The following TRPM3 variants were observed in gnomAD, a reference collection of about 807,000 sequenced individuals.
TRPM3 encodes the protein long transient receptor potential channel 3.
Under a neutral mutation model 181.2 loss-of-function variants are expected in TRPM3, and 77 were observed. The ratio of observed to expected loss-of-function variants is 0.42; its 90% CI spans 0.35 to 0.51. TRPM3 has a LOEUF of 0.51. Ranked by LOEUF, TRPM3 falls within the 20% of genes least tolerant of loss-of-function variation. The probability of loss-of-function intolerance (pLI) is 0.01; values close to 1 mark genes in which losing one functional copy is unlikely to be tolerated. For missense variants in TRPM3, 1,759 were observed against 2,196.7 expected (o/e 0.80, Z 3.98); for synonymous variants, 745 against 796.4 (o/e 0.94, Z 1.09).
intron 1 of TRPM3, among the ~76,000 whole-genome samples, chr9:71,182,118 C>T (rs1443442596): frequency 6.6e-6 from 1 of 152,140 alleles, no homozygotes; most frequent in East Asian, 1.9e-4. Context: ...AAGATGAACA[C>T]AAGCATACAA....
At chr9:71,290,939 T>TTAGAAATGAAGACAGATATA in intron 1 of TRPM3, among the ~76,000 whole-genome samples, 1 of 151,982 alleles carries the variant, frequency 6.6e-6, no homozygotes, top group Middle Eastern at 3.4e-3. Context: ...AAGCAATATA[T>TTAGAAATGAAGACAGATATA]TAGAAATGAA....
chr9:70,852,350 A>T (rs2095263995), intron 3 of TRPM3, among the ~76,000 whole-genome samples: 1 of 152,012 alleles, frequency 6.6e-6, no homozygotes, highest in Non-Finnish European at 1.5e-5. Context: ...CATGTTCTCA[A>T]GTTCACTATG....
intron 1 of TRPM3, among the ~76,000 whole-genome samples, chr9:70,952,450 C>T (rs1174110173): frequency 6.6e-6 from 1 of 152,128 alleles, no homozygotes; most frequent in Non-Finnish European, 1.5e-5. Context: ...AGAGAATGCA[C>T]AATTACGTAG....
At chr9:70,981,063 T>G (rs1312794114) in intron 1 of TRPM3, among the ~76,000 whole-genome samples, 1 of 152,202 alleles carries the variant, frequency 6.6e-6, no homozygotes, top group Non-Finnish European at 1.5e-5. Context: ...ATTAAAGTGA[T>G]TGATTTTTAA....
chr9:71,195,465 T>C (rs556398667), intron 1 of TRPM3, among the ~76,000 whole-genome samples: 8 of 151,970 alleles, frequency 5.3e-5, no homozygotes, highest in Non-Finnish European at 1.2e-4. Flanking sequence ...AAATAACAGG[T>C]GCCAGTGAGG....
intron 1 of TRPM3, among the ~76,000 whole-genome samples, chr9:70,957,656 A>G (rs988042987): frequency 6.6e-6 from 1 of 152,202 alleles, no homozygotes; most frequent in Non-Finnish European, 1.5e-5. Context: ...CAAAAGTCTC[A>G]TAATTCAAGT....
At chr9:70,646,553 C>T (rs115541042) in intron 9 of TRPM3, among the ~76,000 whole-genome samples, 20 of 151,954 alleles carry the variant, frequency 1.3e-4, no homozygotes, top group South Asian at 4.2e-4. Context: ...AAACATCACA[C>T]GCCAGGGCCT....
chr9:70,597,314 T>C (rs1485158789), intron 21 of TRPM3, among the ~76,000 whole-genome samples: 1 of 151,774 alleles, frequency 6.6e-6, no homozygotes, highest in African/African-American at 2.4e-5. Flanking sequence ...TCAAGTAATC[T>C]GCCTGCCTCA....
At chr9:71,420,701 G>GAA (rs1565556742) in intron 1 of TRPM3, among the ~76,000 whole-genome samples, 18 of 11,874 alleles carry the variant, frequency 1.5e-3, no homozygotes, top group Admixed American at 5.4e-3. Context: ...GAAAGAGAAA[G>GAA]AGAGAGAAAG....
At chr9:70,761,412 A>T in intron 8 of TRPM3, 189 bp downstream of exon 8, 3 of 754,406 alleles carry the variant, frequency 4.0e-6, no homozygotes. Flanking sequence ...ACACCTTATT[A>T]ACTCGAAGGC....
Position 70,535,836 on chromosome 9 carries a change from C to T in TRPM3, c.*117G>A, listed in dbSNP as rs1185456718. On this transcript the variant is annotated 3_prime_UTR_variant, in exon 26 of 26. Coordinates refer to ENST00000677713, the MANE Select transcript of TRPM3 (RefSeq NM_001366145.2). ...TGAGTTAACACCTCCCAAAGCATTG[C>T]TTGTTTTGCTCAGCTAAGAATAAAG... The T allele has an allele frequency of 6.6e-7, 1 of 1,506,568 alleles. No individual in the cohort carries two copies. Among genetic ancestry groups the T allele is most frequent in the East Asian group, 2.3e-5 (1 of 43,980 alleles). 93.3% of individuals were successfully genotyped at this position (1,506,568 alleles called of 1,614,324 possible).
chr9:71,182,378 C>T (rs114685387), intron 1 of TRPM3, among the ~76,000 whole-genome samples: 69 of 152,170 alleles, frequency 4.5e-4, no homozygotes, highest in African/African-American at 1.6e-3. Flanking sequence ...AATGGCCCTC[C>T]AGGGTTTCAA....
At chr9:70,675,785 T>C (rs1320741553) in intron 9 of TRPM3, among the ~76,000 whole-genome samples, 1 of 152,208 alleles carries the variant, frequency 6.6e-6, no homozygotes, top group African/African-American at 2.4e-5. Flanking sequence ...TATATGTGTT[T>C]GACCTTTAAG....
At chr9:71,031,975 T>TATATATATAATATATA (rs1554806594) in intron 1 of TRPM3, among the ~76,000 whole-genome samples, 3 of 7,940 alleles carry the variant, frequency 3.8e-4, no homozygotes, top group African/African-American at 1.2e-3. Context: ...ATATATATTA[T>TATATATATAATATATA]ATATATATAT....
At chr9:71,016,776 G>A (rs183639791) in intron 1 of TRPM3, among the ~76,000 whole-genome samples, 104 of 152,022 alleles carry the variant, frequency 6.8e-4, no homozygotes, top group African/African-American at 2.1e-3. Context: ...ATACCCAGAC[G>A]TGGAATTGGT....
At chr9:70,842,833 T>C (rs2094767790) in intron 5 of TRPM3, 170 bp downstream of exon 5, 1 of 668,314 alleles carries the variant, frequency 1.5e-6, no homozygotes, top group South Asian at 3.4e-5. Flanking sequence ...TGCCTAGAGA[T>C]TTTAGAAAAT....
intron 6 of TRPM3, among the ~76,000 whole-genome samples, chr9:70,797,062 C>T (rs539951753): frequency 1.3e-5 from 2 of 152,098 alleles, no homozygotes; most frequent in African/African-American, 2.4e-5. Context: ...CCCAGGAGGT[C>T]GAGGCTGAAG....
intron 6 of TRPM3, among the ~76,000 whole-genome samples, chr9:70,812,072 C>T (rs568639589): frequency 1.3e-5 from 2 of 152,292 alleles, no homozygotes; most frequent in East Asian, 1.9e-4. Flanking sequence ...GCTAAGCAAG[C>T]TAGCCTTTGG....
At chr9:71,157,414 T>C (rs79254422) in intron 1 of TRPM3, among the ~76,000 whole-genome samples, 2,484 of 152,258 alleles carry the variant, frequency 0.016, 39 homozygotes, top group East Asian at 0.073. Context: ...TTTCAAAATA[T>C]GTTAGTTTCT....
Sources: allele counts gnomAD v4.1 joint callset (sites outside exome capture counted in the v4.1 genomes callset), GRCh38; gene constraint gnomAD v4.1.1; transcripts MANE v1.5; gene names NCBI Gene and HGNC (gene_info 2026-07-23, HGNC 2026-07-21).